The following CCNI2 variants were observed in gnomAD, a reference collection of about 807,000 sequenced individuals.
CCNI2 encodes the protein cyclin-I2.
CCNI2 carries 32 observed loss-of-function variants against 33.2 expected under a neutral mutation model. The observed-to-expected ratio is 0.96, with a 90% confidence interval of 0.73 to 1.30. CCNI2 has a LOEUF of 1.30. Among genes scored for constraint, CCNI2 ranks in the 50% most tolerant of loss-of-function variants. The pLI, the probability that CCNI2 is intolerant of heterozygous loss-of-function variation, is 0.00. For synonymous variants in CCNI2, 231 were observed against 219.9 expected, an observed-to-expected ratio of 1.05 and a Z score of -0.45; for missense variants, 452 against 486.2, an observed-to-expected ratio of 0.93 and a Z score of 0.66.
At chr5:132,754,536 G>C (rs1245183830), downstream of CCNI2, 1 of 717,474 alleles carries the variant, frequency 1.4e-6, no homozygotes. Context: ...AGAAAGCAGA[G>C]GGTAGACATG....
In CCNI2 at chr5:132,748,362, G is replaced by A. The variant is rs955143191; in HGVS notation, c.445G>A (p.Ala149Thr). The A allele has an allele frequency of 1.9e-6, 3 of 1,613,936 alleles. No individual in the cohort carries two copies. Among genetic ancestry groups the A allele is most frequent in the African/African-American group, 2.7e-5 (2 of 74,904 alleles). ...TTCCTAGCAGGATGAAATCTGCGAC[G>A]CCTTCGAGGAAGTCGTGCTGTGGCT... Reference protein sequence around the residue: ...GGKPQDEICDAFEEVVLWLLR... With the variant: ...GGKPQDEICDTFEEVVLWLLR... Residue 149 changes from alanine (A) to threonine (T), a missense_variant, in exon 2 of 6, where the codon GCC (alanine) becomes ACC (threonine). Coordinates refer to ENST00000378731, the MANE Select transcript of CCNI2 (RefSeq NM_001039780.4).
rs185879461 is a variant in CCNI2, at chr5:132,751,040, G to A, written c.774+43G>A. On this transcript the variant is annotated intron_variant, in intron 4 of 5. Transcript: ENST00000378731. ...TACAGAGTCTACCCTAAACTCGTTT[G>A]TGCCTTTGGAACAGCTGTTTACAAC... 1,236 of 1,603,002 alleles carry A rather than the reference G, an allele frequency of 7.7e-4. 8 individuals carry two copies. Among genetic ancestry groups the A allele is most frequent in the Non-Finnish European group, 1.5e-4 (171 of 1,175,548 alleles).
At chr5:132,751,131 G>T in intron 4 of CCNI2, 134 bp downstream of exon 4, 1 of 936,054 alleles carries the variant, frequency 1.1e-6, no homozygotes, top group Non-Finnish European at 1.6e-6. Flanking sequence ...TGACGCACAA[G>T]GCTCATGACA....
intron 2 of CCNI2, among the ~76,000 whole-genome samples, chr5:132,748,799 G>C (rs1484957865): frequency 1.3e-5 from 2 of 152,128 alleles, no homozygotes; most frequent in Non-Finnish European, 2.9e-5. Context: ...CCCTGAGAAG[G>C]TGCCATATTT....
Position 132,747,663 on chromosome 5 carries a change from C to T in CCNI2, c.168C>T (p.Cys56=). The T allele has an allele frequency of 6.7e-7, 1 of 1,502,902 alleles. No individual in the cohort carries two copies. The highest frequency in any genetic ancestry group is 8.8e-7 in the Non-Finnish European group (1 of 1,133,058). 93.1% of individuals were successfully genotyped at this position (1,502,902 alleles called of 1,614,324 possible). Residue 56 remains cysteine (C), a synonymous_variant, in exon 1 of 6, where the codon TGC becomes TGT. Coordinates refer to ENST00000378731, the MANE Select transcript of CCNI2 (RefSeq NM_001039780.4). The surrounding 1 kb of genome is among the most constrained non-coding windows in gnomAD (Gnocchi z 4.1). ...APLPRSNRSR[C]PGTRQPGAAS... ...TGCCCCGAAGCAACCGGAGCAGGTGCCCTGGGACCCGCCAGCCCGGAGCGG... is the reference window on the plus strand; with the variant it reads ...TGCCCCGAAGCAACCGGAGCAGGTGTCCTGGGACCCGCCAGCCCGGAGCGG...
chr5:132,753,003 A>T lies in CCNI2; in HGVS notation c.*33A>T. The stretch of plus-strand genomic sequence containing the variant: ...GCCTCCACCCCGGGGCTTTCAGAGC[A>T]TAGTGTGAAACCTCCTTGCTTGGAC... On this transcript the variant is annotated 3_prime_UTR_variant, in exon 6 of 6. Transcript: ENST00000378731. 6.5e-7 allele frequency: 1 copy of T among 1,543,026 alleles called. No homozygotes were observed. Among genetic ancestry groups the T allele is most frequent in the Non-Finnish European group, 9.0e-7 (1 of 1,116,006 alleles).
At chr5:132,755,946 T>C, downstream of CCNI2, 1 of 953,724 alleles carries the variant, frequency 1.0e-6, no homozygotes, top group Non-Finnish European at 1.2e-6. Context: ...AGCAGATTAA[T>C]GGGCTCAGGA....
intron 4 of CCNI2, 124 bp downstream of exon 4, chr5:132,751,121 T>G: frequency 1.8e-6 from 2 of 1,102,786 alleles, no homozygotes; most frequent in Admixed American, 2.4e-5. Context: ...CACAGTGAGG[T>G]GACGCACAAG....
chr5:132,749,762 G>A (rs1754731065), intron 3 of CCNI2, among the ~76,000 whole-genome samples: 1 of 152,162 alleles, frequency 6.6e-6, no homozygotes, highest in Non-Finnish European at 1.5e-5. Context: ...CAAACCATGT[G>A]ACTTAACATC....
intron 4 of CCNI2, chr5:132,751,721 T>G: frequency 1.7e-6 from 1 of 579,058 alleles, no homozygotes; most frequent in East Asian, 2.9e-5. Context: ...CTAGGTACTT[T>G]CCGCTCATAA....
chr5:132,754,099 G>C lies in CCNI2; in HGVS notation c.*1129G>C, dbSNP rs1180843898. ...TATATTATAGAGTTAGTATACATCT[G>C]TATTTTTTCTTGACACACTTTTGCT... On this transcript the variant is annotated 3_prime_UTR_variant, in exon 6 of 6. Coordinates refer to ENST00000378731, the MANE Select transcript of CCNI2 (RefSeq NM_001039780.4). The C allele has an allele frequency of 3.2e-6, 1 of 314,728 alleles. No homozygotes were observed. Among genetic ancestry groups the C allele is most frequent in the East Asian group, 6.6e-5 (1 of 15,190 alleles). The allele number at this position is 314,728 out of a possible 1,614,324, so 19.5% of individuals were successfully genotyped here. A position where few individuals can be genotyped will look rare whatever the true frequency, so the allele number is the denominator to read the frequency against.
chr5:132,748,533 C>A (rs972213983), intron 2 of CCNI2, 58 bp downstream of exon 2: 1 of 1,598,770 alleles, frequency 6.3e-7, no homozygotes, highest in Admixed American at 1.7e-5. Context: ...AACCTTTGCT[C>A]CCCATTCCTG....
At chr5:132,750,317 C>T (rs948620897) in intron 3 of CCNI2, among the ~76,000 whole-genome samples, 1 of 152,108 alleles carries the variant, frequency 6.6e-6, no homozygotes, top group Non-Finnish European at 1.5e-5. Flanking sequence ...CTCATTAGTC[C>T]CTCTGTGGGA....
At chr5:132,755,775 C>A (rs1230596904), downstream of CCNI2, among the ~76,000 whole-genome samples, 1 of 152,178 alleles carries the variant, frequency 6.6e-6, no homozygotes, top group East Asian at 1.9e-4. Context: ...GCCCCTTTAC[C>A]TTCCTGTAAC....
chr5:132,754,752 A>G (rs1040028273), downstream of CCNI2, among the ~76,000 whole-genome samples: 2 of 152,190 alleles, frequency 1.3e-5, no homozygotes, highest in Non-Finnish European at 2.9e-5. Context: ...AGGAACTCCT[A>G]TCCCACCTCA....
intron 3 of CCNI2, 113 bp from the exon 4 acceptor site, chr5:132,750,731 TTTTCTGTGGCAGG>T: frequency 1.0e-6 from 1 of 953,940 alleles, no homozygotes; most frequent in East Asian, 2.5e-5. Context: ...TTCAGAAGCA[TTTTCTGTGGCAGG>T]CCACAGGAAG....
chr5:132,755,645 C>T (rs1241523330), downstream of CCNI2, among the ~76,000 whole-genome samples: 1 of 152,136 alleles, frequency 6.6e-6, no homozygotes, highest in Non-Finnish European at 1.5e-5. Flanking sequence ...TCCTGGCACT[C>T]GAATATTAGT....
chr5:132,747,992 C>A lies in CCNI2; in HGVS notation c.429+68C>A. 1 of 1,335,080 alleles carries A rather than the reference C, an allele frequency of 7.5e-7. No individual in the cohort carries two copies. Among genetic ancestry groups the A allele is most frequent in the South Asian group, 1.8e-5 (1 of 54,924 alleles). 82.7% of individuals were successfully genotyped at this position (1,335,080 alleles called of 1,614,324 possible). On this transcript the variant is annotated intron_variant, in intron 1 of 5. Coordinates refer to ENST00000378731, the MANE Select transcript of CCNI2 (RefSeq NM_001039780.4). This position sits in a 1 kb window ranked among gnomAD's most constrained non-coding sequence, Gnocchi z 4.1. ...AGGCGGATGTGGCCTCCACCTGCACCCGCGCTCGGGTGTTCTGAAACTGGA... is the reference window on the plus strand; with the variant it reads ...AGGCGGATGTGGCCTCCACCTGCACACGCGCTCGGGTGTTCTGAAACTGGA...
chr5:132,749,895 A>G (rs1754736711), intron 3 of CCNI2, among the ~76,000 whole-genome samples: 1 of 152,128 alleles, frequency 6.6e-6, no homozygotes, highest in Non-Finnish European at 1.5e-5. Context: ...TGCTGGGGGT[A>G]AAGTACAAGG....
Sources: allele counts gnomAD v4.1 joint callset (sites outside exome capture counted in the v4.1 genomes callset), GRCh38; gene constraint gnomAD v4.1.1; non-coding constraint Gnocchi (gnomAD v3.1); transcripts MANE v1.5; gene names NCBI Gene and HGNC (gene_info 2026-07-23, HGNC 2026-07-21).